The following YME1L1 variants were observed in gnomAD, a reference collection of about 807,000 sequenced individuals.
YME1L1 encodes the protein YME1 like 1 ATPase.
YME1L1 carries 39 observed loss-of-function variants against 90.4 expected under a neutral mutation model. The observed-to-expected ratio is 0.43, with a 90% CI of 0.33 to 0.56. The LOEUF (loss-of-function observed/expected upper bound fraction) is 0.56. Among genes scored for constraint, YME1L1 ranks in the 20% least tolerant of loss-of-function variants. The pLI is 0.03. For synonymous variants in YME1L1, 284 were observed against 287.3 expected, an observed-to-expected ratio of 0.99 and a Z score of 0.12; for missense variants, 617 against 868.4, an observed-to-expected ratio of 0.71 and a Z score of 3.64.
At chr10:27,122,128 C>T (rs1209154871) in intron 11 of YME1L1, among the ~76,000 whole-genome samples, 1 of 152,198 alleles carries the variant, frequency 6.6e-6, no homozygotes, top group Non-Finnish European at 1.5e-5. Context: ...ACCTTGGCTT[C>T]CAAAAGTCCT....
intron 3 of YME1L1, among the ~76,000 whole-genome samples, chr10:27,143,482 G>A (rs1341189737): frequency 2.6e-5 from 4 of 151,920 alleles, no homozygotes; most frequent in South Asian, 2.1e-4. Flanking sequence ...GGCGGATCAC[G>A]AGGTCAGGAG....
chr10:27,134,568 G>A (rs982663982), intron 6 of YME1L1, among the ~76,000 whole-genome samples: 1 of 152,216 alleles, frequency 6.6e-6, no homozygotes, highest in South Asian at 2.1e-4. Context: ...AAGCAAGACC[G>A]TGTCTCAAAA....
At chr10:27,116,752 G>A (rs2056817009) in intron 15 of YME1L1, among the ~76,000 whole-genome samples, 1 of 152,048 alleles carries the variant, frequency 6.6e-6, no homozygotes, top group South Asian at 2.1e-4. Context: ...TACAGGCTGG[G>A]TGCAGTGGCT....
intron 12 of YME1L1, 46 bp downstream of exon 12, chr10:27,121,340 T>C: frequency 1.5e-6 from 2 of 1,347,402 alleles, no homozygotes; most frequent in Non-Finnish European, 2.1e-6. Flanking sequence ...AGCACAATTT[T>C]GTAGCATGTA....
chr10:27,137,673 T>C (rs1009992111), intron 4 of YME1L1, among the ~76,000 whole-genome samples: 3 of 152,198 alleles, frequency 2.0e-5, no homozygotes, highest in African/African-American at 7.2e-5. Flanking sequence ...TGTTTTACTT[T>C]GCATTTCCCA....
chr10:27,139,745 T>A (rs11015564), intron 4 of YME1L1, among the ~76,000 whole-genome samples: 36,627 of 152,048 alleles, frequency 0.24, 4,968 homozygotes, highest in East Asian at 0.56. Context: ...ATTTTTATTT[T>A]TGACATAAAG....
Position 27,132,015 on chromosome 10 carries a change from G to C in YME1L1, c.776-74C>G, listed in dbSNP as rs534433519. On this transcript the variant is annotated intron_variant, in intron 7 of 18. Coordinates refer to ENST00000376016, the MANE Select transcript of YME1L1 (RefSeq NM_014263.4). The stretch of plus-strand genomic sequence containing the variant: ...CAATCACCTTGTTTTTTAGATGCAA[G>C]AAAGCAAAGCCTAGAAAAATTAAAT... 2 of 1,242,950 alleles carry C rather than the reference G, an allele frequency of 1.6e-6. 1 individual carries two copies. The highest frequency in any genetic ancestry group is 4.7e-5 in the East Asian group (2 of 42,140). The allele number at this position is 1,242,950 out of a possible 1,614,324, so 77.0% of individuals were successfully genotyped here.
chr10:27,137,865 T>C (rs533590426), intron 4 of YME1L1, among the ~76,000 whole-genome samples: 1 of 152,270 alleles, frequency 6.6e-6, no homozygotes, highest in East Asian at 1.9e-4. Context: ...TTTATTTTAA[T>C]GTGTCTTTGT....
chr10:27,146,665 G>A (rs1161706668), intron 2 of YME1L1: 4 of 152,200 alleles, frequency 2.6e-5, no homozygotes, highest in African/African-American at 9.7e-5. Context: ...GTTGCAGTGA[G>A]CTATGACAGC....
rs779607785 is a variant in YME1L1 at position 27,136,378 on chromosome 10, T to C, written c.438A>G (p.Ile146Met). 1 of 1,610,616 alleles carries C rather than the reference T, an allele frequency of 6.2e-7. No homozygotes were observed. The highest frequency in any genetic ancestry group is 8.5e-7 in the Non-Finnish European group (1 of 1,177,694). The change falls in exon 5 of 19, where the codon ATA becomes ATG. Residue 146 changes from isoleucine (I) to methionine (M), a missense_variant. Ile to Met is a conservative substitution (Grantham distance 10). Around this residue, in one of 4 missense-constraint regions of YME1L1, gnomAD observed 311 missense variants for 335.8 expected, o/e 0.93. Coordinates refer to ENST00000376016, the MANE Select transcript of YME1L1 (RefSeq NM_014263.4). ...CSDLQYWPVFIQSRGFKTLKS... is the reference protein window; with the variant it reads ...CSDLQYWPVFMQSRGFKTLKS... ...TCAAAGTTTTAAAACCCCGAGACTG[T>C]ATGAAAACTAAATAAAACAATACCA...
At chr10:27,148,093 AT>A (rs1381615816) in intron 2 of YME1L1, among the ~76,000 whole-genome samples, 1 of 151,650 alleles carries the variant, frequency 6.6e-6, no homozygotes, top group Non-Finnish European at 1.5e-5. Flanking sequence ...CTGGTCCTTT[AT>A]TTTTTTAAGA....
chr10:27,117,257 C>T (rs1220803730), intron 15 of YME1L1, among the ~76,000 whole-genome samples: 3 of 152,132 alleles, frequency 2.0e-5, no homozygotes, highest in Non-Finnish European at 4.4e-5. Flanking sequence ...CCTTTTGGGG[C>T]AGCGGAGTAA....
chr10:27,144,412 C>G (rs1169835108), intron 3 of YME1L1, among the ~76,000 whole-genome samples: 1 of 152,142 alleles, frequency 6.6e-6, no homozygotes, highest in Non-Finnish European at 1.5e-5. Context: ...TAAGTTTATG[C>G]AAAGGACAGC....
At chr10:27,117,945 T>G (rs1370213851) in intron 14 of YME1L1, among the ~76,000 whole-genome samples, 1 of 152,140 alleles carries the variant, frequency 6.6e-6, no homozygotes, top group Non-Finnish European at 1.5e-5. Flanking sequence ...TACAGAGCAT[T>G]TATATTGTAT....
chr10:27,142,485 C>A lies in YME1L1; in HGVS notation c.332G>T (p.Gly111Val). ...SAQSFFENKY[G>V]NLDIFSTLRS... The stretch of plus-strand genomic sequence containing the variant: ...TAATGTACTAAATATATCTAAGTTA[C>A]CTGGAGGGAAATTGCAAAAAGTAAA... Residue 111 changes from glycine (G) to valine (V), a missense_variant and splice_region_variant, in exon 4 of 19, where the codon GGT (glycine) becomes GTT (valine). This residue lies in a region of YME1L1 where 311 missense variants were observed against 335.8 expected (regional missense o/e 0.93). Coordinates refer to ENST00000376016, the MANE Select transcript of YME1L1 (RefSeq NM_014263.4). The A allele has an allele frequency of 7.1e-7, 1 of 1,411,780 alleles. No individual in the cohort carries two copies. Among genetic ancestry groups the A allele is most frequent in the South Asian group, 1.7e-5 (1 of 60,426 alleles). 87.5% of individuals were successfully genotyped at this position (1,411,780 alleles called of 1,614,324 possible).
Position 27,124,277 on chromosome 10 carries a change from A to C in YME1L1, c.950-578T>G, listed in dbSNP as rs2056895623. Among the ~76,000 whole-genome samples, 3 of 152,134 alleles carry C rather than the reference A, an allele frequency of 2.0e-5. No individual in the cohort carries two copies. The South Asian group carries it at 6.2e-4, about 31-fold the overall frequency. ...AGTTTTCTTTCAAATGTTCAGGGGG[A>C]AAAATACACACATAACACAGAAAGC... On this transcript the variant is annotated intron_variant, in intron 9 of 18. Transcript: ENST00000376016.
chr10:27,140,821 TTA>T (rs1189387907), intron 4 of YME1L1, among the ~76,000 whole-genome samples: 3 of 152,174 alleles, frequency 2.0e-5, no homozygotes, highest in Non-Finnish European at 2.9e-5. Flanking sequence ...TACTGGATTT[TTA>T]TCTTTATTTT....
At chr10:27,131,230 T>C (rs1386211232) in intron 8 of YME1L1, among the ~76,000 whole-genome samples, 2 of 152,236 alleles carry the variant, frequency 1.3e-5, no homozygotes, top group Non-Finnish European at 2.9e-5. Flanking sequence ...TACACTTTTA[T>C]TCTTTTAACA....
chr10:27,151,559 G>A (rs1266634133), intron 1 of YME1L1, among the ~76,000 whole-genome samples: 2 of 152,170 alleles, frequency 1.3e-5, no homozygotes, highest in African/African-American at 4.8e-5. Context: ...ACATACTAAG[G>A]AATAAAGCTG....
Sources: allele counts gnomAD v4.1 joint callset (sites outside exome capture counted in the v4.1 genomes callset), GRCh38; gene constraint gnomAD v4.1.1; regional missense constraint gnomAD v4.1.1; transcripts MANE v1.5; gene names NCBI Gene and HGNC (gene_info 2026-07-23, HGNC 2026-07-21).